ANO4: variants seen among roughly 807,000 people sequenced by gnomAD.
ANO4 encodes anoctamin-4.
Under a neutral mutation model 141.9 loss-of-function variants are expected in ANO4, and 69 were observed. That is an observed-to-expected ratio of 0.49 (90% CI 0.40 to 0.59). ANO4 has a LOEUF of 0.59. Ranked by LOEUF, ANO4 falls within the 20% of genes least tolerant of loss-of-function variation. The pLI, the probability that ANO4 is intolerant of heterozygous loss-of-function variation, is 0.00. For synonymous variants in ANO4, 350 were observed against 394.3 expected (o/e 0.89, Z 1.33); for missense variants, 894 against 1,162.2 (o/e 0.77, Z 3.36).
chr12:100,732,940 G>A (rs560933455), intron 1 of ANO4, among the ~76,000 whole-genome samples: 3 of 152,308 alleles, frequency 2.0e-5, no homozygotes, highest in East Asian at 3.9e-4. Flanking sequence ...CGGTAATGAG[G>A]AAATTGATTC....
chr12:100,897,679 GCTAATTGCAAGACTAGAGA>G (rs1347896156), intron 1 of ANO4, among the ~76,000 whole-genome samples: 1 of 152,212 alleles, frequency 6.6e-6, no homozygotes, highest in Non-Finnish European at 1.5e-5. Flanking sequence ...CATGATAAGG[GCTAATTGCAAGACTAGAGA>G]CTGGAGTGGG....
chr12:101,031,927 CAG>C (rs1367410099), intron 9 of ANO4, among the ~76,000 whole-genome samples: 1 of 152,024 alleles, frequency 6.6e-6, no homozygotes, highest in Non-Finnish European at 1.5e-5. Flanking sequence ...TCAAGGAAAT[CAG>C]AGAGGACACA....
intron 14 of ANO4, among the ~76,000 whole-genome samples, chr12:101,056,400 T>C (rs1397143073): frequency 6.6e-6 from 1 of 152,186 alleles, no homozygotes; most frequent in African/African-American, 2.4e-5. Context: ...CAGTTATTCA[T>C]TGCTACTACA....
At chr12:101,015,368 G>C (rs2046275584) in intron 8 of ANO4, among the ~76,000 whole-genome samples, 2 of 152,010 alleles carry the variant, frequency 1.3e-5, no homozygotes, top group Non-Finnish European at 2.9e-5. Flanking sequence ...GACACAAATA[G>C]CTGTGTGACT....
Position 100,948,120 on chromosome 12 carries a change from C to T in ANO4, c.456+5585C>T, listed in dbSNP as rs184246047. 1.3e-4 allele frequency among the ~76,000 whole-genome samples: 17 copies of T among 133,394 alleles called. No homozygotes were observed. In the South Asian group the frequency reaches 1.9e-3, roughly 15 times the overall value. 87.5% of individuals were successfully genotyped at this position (133,394 alleles called of 152,430 possible). ...GAGCTGAGATCATGCCACTGCACTG[C>T]AGCCTGGGTGACAGAGCAAGACTTC... is the stretch of plus-strand genomic sequence containing the variant. On this transcript the variant is annotated intron_variant, in intron 5 of 27. Coordinates refer to ENST00000392977, the MANE Select transcript of ANO4 (RefSeq NM_001286615.2).
At chr12:101,020,281 C>A in intron 9 of ANO4, 141 bp downstream of exon 9, 1 of 614,500 alleles carries the variant, frequency 1.6e-6, no homozygotes, top group Non-Finnish European at 2.9e-6. Flanking sequence ...ATGAATAATT[C>A]ACAAGTGTAA....
At chr12:100,939,124 G>A (rs1411439622) in intron 3 of ANO4, among the ~76,000 whole-genome samples, 191 bp from the exon 4 acceptor site, 2 of 152,094 alleles carry the variant, frequency 1.3e-5, no homozygotes, top group Non-Finnish European at 2.9e-5. Flanking sequence ...CTTGCCTAAT[G>A]AATACACTGT....
intron 3 of ANO4, among the ~76,000 whole-genome samples, chr12:100,755,622 A>G (rs1565857453): frequency 6.6e-6 from 1 of 152,236 alleles, no homozygotes; most frequent in Admixed American, 6.5e-5. Context: ...TGTAATGATC[A>G]CTATGCCTGT....
At chr12:100,910,372 C>G (rs894123349) in intron 2 of ANO4, among the ~76,000 whole-genome samples, 1 of 152,130 alleles carries the variant, frequency 6.6e-6, no homozygotes, top group African/African-American at 2.4e-5. Flanking sequence ...GATGGTCTCT[C>G]ATTATGCTGT....
chr12:101,016,179 T>C (rs1438075335), intron 8 of ANO4, among the ~76,000 whole-genome samples: 3 of 152,158 alleles, frequency 2.0e-5, no homozygotes, highest in Non-Finnish European at 4.4e-5. Context: ...GGGTAGCTTA[T>C]AAAGAAACGA....
Position 101,049,391 on chromosome 12 carries a change from T to G in ANO4, c.1312+990T>G, listed in dbSNP as rs564184748. Among the ~76,000 whole-genome samples the G allele has an allele frequency of 1.6e-4, 24 of 152,318 alleles. No individual in the cohort carries two copies. In the South Asian group the frequency reaches 5.0e-3, roughly 32 times the overall value. ...TCCTTTGAATTTCCATGGCATTTTG[T>G]TCTTAGGGCACTTAAAATTATTTTC... On this transcript the variant is annotated intron_variant, in intron 14 of 27. Coordinates refer to ENST00000392977, the MANE Select transcript of ANO4 (RefSeq NM_001286615.2).
intron 1 of ANO4, among the ~76,000 whole-genome samples, chr12:100,796,081 G>A (rs2034299486): frequency 6.7e-6 from 1 of 148,784 alleles, no homozygotes; most frequent in South Asian, 2.1e-4. Flanking sequence ...AACTATTTTG[G>A]TCAAAGCATC....
In ANO4 at chr12:101,116,690, G is replaced by A. The variant is rs1036081580; in HGVS notation, c.2462G>A (p.Gly821Asp). 1 of 1,614,106 alleles carries A rather than the reference G, an allele frequency of 6.2e-7. No homozygotes were observed. The highest frequency in any genetic ancestry group is 8.5e-7 in the Non-Finnish European group (1 of 1,180,000). The change falls in exon 25 of 28, where the codon GGC becomes GAC. Residue 821 changes from glycine (G) to aspartate (D), a missense_variant. By Grantham distance (94) the Gly-to-Asp change is moderately conservative. Around this residue, in one of 2 missense-constraint regions of ANO4, gnomAD observed 637 missense variants for 909.2 expected, o/e 0.70. Transcript: ENST00000392977. ...QGEAGQKCMV[G>D]YVNASLSVFR... ...GCCTCCTCTTATAGGTGCATGGTTG[G>A]CTATGTGAATGCCAGCTTGTCTGTA...
intron 1 of ANO4, among the ~76,000 whole-genome samples, chr12:100,886,754 G>A (rs945853340): frequency 2.6e-5 from 4 of 152,164 alleles, no homozygotes; most frequent in African/African-American, 9.7e-5. Flanking sequence ...TAGCAGAGTT[G>A]AGTAGCTGCA....
At chr12:101,107,100 A>C (rs905588064) in intron 22 of ANO4, among the ~76,000 whole-genome samples, 2 of 152,224 alleles carry the variant, frequency 1.3e-5, no homozygotes, top group African/African-American at 4.8e-5. Context: ...TTTCATTATA[A>C]ATATAACCTG....
At chr12:101,067,772 G>A (rs2048652016) in intron 14 of ANO4, among the ~76,000 whole-genome samples, 1 of 152,174 alleles carries the variant, frequency 6.6e-6, no homozygotes, top group Non-Finnish European at 1.5e-5. Context: ...TGATTTTAAA[G>A]GAGATTTCCA....
At chr12:101,065,043 G>A (rs1050720205) in intron 14 of ANO4, among the ~76,000 whole-genome samples, 2 of 152,138 alleles carry the variant, frequency 1.3e-5, no homozygotes, top group Admixed American at 6.5e-5. Flanking sequence ...CAAGAGTATT[G>A]ATGCTGGCAA....
At chr12:101,116,329 G>C (rs373414878) in intron 24 of ANO4, among the ~76,000 whole-genome samples, 1 of 152,150 alleles carries the variant, frequency 6.6e-6, no homozygotes, top group East Asian at 1.9e-4. Flanking sequence ...AACCATTAAT[G>C]AGGAACTGTG....
chr12:100,820,456 A>G (rs991992553), intron 1 of ANO4, among the ~76,000 whole-genome samples: 45 of 151,888 alleles, frequency 3.0e-4, no homozygotes, highest in Admixed American at 3.0e-3. Context: ...ATTTTTAAAA[A>G]CTCTGTGTTG....
Sources: gnomAD v4.1 joint callset for allele counts (sites outside exome capture counted in the v4.1 genomes callset) on GRCh38, gnomAD v4.1.1 for gene constraint, gnomAD v4.1.1 regional missense constraint, MANE v1.5 for transcripts, NCBI Gene and HGNC (gene_info 2026-07-23, HGNC 2026-07-21) for gene names.